HHAT: variants seen among roughly 807,000 people sequenced by gnomAD.
The protein encoded by HHAT is hedgehog acyltransferase.
In HHAT, 47 loss-of-function variants were observed where a neutral mutation model predicts 70.8. The observed-to-expected ratio is 0.66, with a 90% confidence interval of 0.53 to 0.85. The LOEUF (loss-of-function observed/expected upper bound fraction) is 0.85. Ranked by LOEUF, HHAT falls within the 40% of genes least tolerant of loss-of-function variation. The pLI, the probability that HHAT is intolerant of heterozygous loss-of-function variation, is 0.00. For missense variants in HHAT, 609 were observed against 604.8 expected, an observed-to-expected ratio of 1.01 and a Z score of -0.07; for synonymous variants, 228 against 247.6, an observed-to-expected ratio of 0.92 and a Z score of 0.74.
chr1:210,388,951 C>T (rs1258447271), intron 4 of HHAT, among the ~76,000 whole-genome samples: 1 of 152,148 alleles, frequency 6.6e-6, no homozygotes, highest in Non-Finnish European at 1.5e-5. Context: ...AAGTTAATTG[C>T]ATAGTGGAAG....
intron 3 of HHAT, among the ~76,000 whole-genome samples, chr1:210,368,124 T>C (rs1387394147): frequency 6.6e-6 from 1 of 152,100 alleles, no homozygotes; most frequent in Non-Finnish European, 1.5e-5. Flanking sequence ...GACAGTAGCA[T>C]CTGAACCAAA....
intron 10 of HHAT, among the ~76,000 whole-genome samples, chr1:210,616,148 G>A (rs1667683301): frequency 1.3e-5 from 2 of 152,120 alleles, no homozygotes; most frequent in Admixed American, 1.3e-4. Flanking sequence ...GCTTAATTAA[G>A]CAAATTAACA....
chr1:210,586,800 G>C (rs73061892), intron 9 of HHAT, among the ~76,000 whole-genome samples: 3,965 of 152,264 alleles, frequency 0.026, 62 homozygotes, highest in African/African-American at 0.042. Flanking sequence ...AGCTTTCCAG[G>C]TCCTAACAGC....
chr1:210,571,751 A>G (rs1195367092), intron 9 of HHAT, among the ~76,000 whole-genome samples: 1 of 152,208 alleles, frequency 6.6e-6, no homozygotes, highest in African/African-American at 2.4e-5. Context: ...AGCCTGGATC[A>G]CTACATTAAT....
At chr1:210,625,297 A>G (rs1012776754) in intron 11 of HHAT, among the ~76,000 whole-genome samples, 15 of 152,226 alleles carry the variant, frequency 9.9e-5, no homozygotes, top group African/African-American at 3.4e-4. Flanking sequence ...CACAGAACCT[A>G]GCACAATGAT....
chr1:210,514,227 C>T (rs1013627759), intron 9 of HHAT, among the ~76,000 whole-genome samples: 3 of 152,316 alleles, frequency 2.0e-5, no homozygotes, highest in South Asian at 2.1e-4. Flanking sequence ...TTCCAAGGCT[C>T]ATCCAAGTCT....
chr1:210,435,221 C>G (rs2093346905), intron 7 of HHAT, among the ~76,000 whole-genome samples: 1 of 151,804 alleles, frequency 6.6e-6, no homozygotes, highest in Non-Finnish European at 1.5e-5. Flanking sequence ...TGAGAACATG[C>G]AATGTTTATC....
At chr1:210,476,500 C>T (rs1470293491) in intron 8 of HHAT, among the ~76,000 whole-genome samples, 1 of 152,196 alleles carries the variant, frequency 6.6e-6, no homozygotes, top group Non-Finnish European at 1.5e-5. Context: ...ACTCACCTTA[C>T]TGGCAATAGT....
intron 9 of HHAT, among the ~76,000 whole-genome samples, chr1:210,524,779 G>A (rs1476449427): frequency 6.6e-6 from 1 of 152,106 alleles, no homozygotes; most frequent in Non-Finnish European, 1.5e-5. Context: ...GCAGGTCCAG[G>A]TCTGTCCTGC....
intron 8 of HHAT, among the ~76,000 whole-genome samples, chr1:210,469,128 A>G (rs1308323103): frequency 6.6e-6 from 1 of 152,098 alleles, no homozygotes; most frequent in Admixed American, 6.6e-5. Context: ...TGGGCCGGGT[A>G]GGGAGGAAGT....
At chr1:210,362,505 G>A (rs574485139) in intron 2 of HHAT, among the ~76,000 whole-genome samples, 31 of 152,314 alleles carry the variant, frequency 2.0e-4, no homozygotes, top group Non-Finnish European at 3.7e-4. Flanking sequence ...GATTACAGGC[G>A]TGAGCCACCA....
chr1:210,669,642 G>A (rs1031611920), intron 11 of HHAT, among the ~76,000 whole-genome samples: 1 of 152,214 alleles, frequency 6.6e-6, no homozygotes, highest in African/African-American at 2.4e-5. Flanking sequence ...ACCTGGCTGT[G>A]ATCTGTTAAA....
chr1:210,601,644 T>G (rs984578407), intron 10 of HHAT, among the ~76,000 whole-genome samples: 1 of 152,116 alleles, frequency 6.6e-6, no homozygotes, highest in Non-Finnish European at 1.5e-5. Context: ...GACTCTAAAC[T>G]GAATAAGACA....
intron 11 of HHAT, among the ~76,000 whole-genome samples, chr1:210,632,685 A>G (rs1031156024): frequency 6.6e-6 from 1 of 152,204 alleles, no homozygotes; most frequent in African/African-American, 2.4e-5. Context: ...TTGTTAGAAA[A>G]TGGTTTGGGG....
intron 8 of HHAT, among the ~76,000 whole-genome samples, chr1:210,503,250 A>C (rs564988685): frequency 6.6e-6 from 1 of 152,220 alleles, no homozygotes; most frequent in South Asian, 2.1e-4. Flanking sequence ...ATGAGCCACT[A>C]TGTATTCAAT....
chr1:210,523,497 G>C (rs1332539119), intron 9 of HHAT, among the ~76,000 whole-genome samples: 2 of 152,178 alleles, frequency 1.3e-5, no homozygotes, highest in Admixed American at 1.3e-4. Context: ...CTGGGGATTG[G>C]GCTAAGTGGA....
At chr1:210,532,347 G>A (rs921413195) in intron 9 of HHAT, among the ~76,000 whole-genome samples, 3 of 152,146 alleles carry the variant, frequency 2.0e-5, no homozygotes, top group African/African-American at 7.2e-5. Context: ...ACTGAGAGGA[G>A]GTTCCTTATT....
Position 210,674,587 on chromosome 1 carries a change from A to G in HHAT, c.*208A>G, listed in dbSNP as rs1441249106. The G allele has an allele frequency of 2.4e-5, 13 of 534,460 alleles. No homozygotes were observed. Among genetic ancestry groups the G allele is most frequent in the Middle Eastern group, 3.4e-4 (1 of 2,946 alleles). 33.1% of individuals were successfully genotyped at this position (534,460 alleles called of 1,614,324 possible). A position where few individuals can be genotyped will look rare whatever the true frequency, so the allele number is the denominator to read the frequency against. The stretch of plus-strand genomic sequence containing the variant: ...GGAGTCTTTGAGATCTTCTACCCCA[A>G]CTCATCATTTTCCTATTGAGGAAAC... On this transcript the variant is annotated 3_prime_UTR_variant, in exon 12 of 12. Transcript: ENST00000261458.
At chr1:210,466,969 G>A (rs373662455) in intron 8 of HHAT, among the ~76,000 whole-genome samples, 2 of 152,182 alleles carry the variant, frequency 1.3e-5, no homozygotes, top group East Asian at 3.9e-4. Flanking sequence ...TTAATCTGAG[G>A]AGGAAGCTCT....
Sources: gnomAD v4.1 joint callset for allele counts (sites outside exome capture counted in the v4.1 genomes callset) on GRCh38, gnomAD v4.1.1 for gene constraint, MANE v1.5 for transcripts, NCBI Gene and HGNC (gene_info 2026-07-23, HGNC 2026-07-21) for gene names.